The following CARNMT1 variants were observed in gnomAD, a reference collection of about 807,000 sequenced individuals.
The protein encoded by CARNMT1 is protein-L-histidine N-pros-methyltransferase CARNMT1.
Under a neutral mutation model 49.6 loss-of-function variants are expected in CARNMT1, and 28 were observed. That is an observed-to-expected ratio of 0.56 (90% CI 0.42 to 0.77). The LOEUF is 0.77. Among genes scored for constraint, CARNMT1 ranks in the 30% least tolerant of loss-of-function variants. The pLI is 0.00. For missense variants in CARNMT1, 421 were observed against 512.6 expected (o/e 0.82, Z 1.73); for synonymous variants, 178 against 175.0 (o/e 1.02, Z -0.13).
intron 6 of CARNMT1, among the ~76,000 whole-genome samples, chr9:74,990,988 A>G (rs1474597026): frequency 6.6e-6 from 1 of 152,194 alleles, no homozygotes; most frequent in East Asian, 1.9e-4. Context: ...TGAAAAATCT[A>G]AAAAGTTAGG....
At chr9:74,996,260 T>C (rs1404545318) in intron 6 of CARNMT1, 187 bp downstream of exon 6, 1 of 489,904 alleles carries the variant, frequency 2.0e-6, no homozygotes, top group Non-Finnish European at 3.6e-6. Flanking sequence ...ATATACAACT[T>C]CTGAGCTTCC....
At chr9:75,016,477 C>T (rs1833856345) in intron 2 of CARNMT1, 46 bp from the exon 3 acceptor site, 1 of 1,585,542 alleles carries the variant, frequency 6.3e-7, no homozygotes, top group Non-Finnish European at 8.6e-7. Flanking sequence ...GAGTAATCCA[C>T]TTATATTATG....
chr9:74,987,909 T>C (rs546392439), intron 6 of CARNMT1, among the ~76,000 whole-genome samples: 1 of 152,268 alleles, frequency 6.6e-6, no homozygotes, highest in African/African-American at 2.4e-5. Flanking sequence ...TGAGCAGTTT[T>C]TCATATTCAC....
chr9:74,985,159 A>G (rs1832795548), intron 6 of CARNMT1, 149 bp from the exon 7 acceptor site: 1 of 615,650 alleles, frequency 1.6e-6, no homozygotes, highest in Non-Finnish European at 2.8e-6. Context: ...ACCTCTGAAA[A>G]TTTGGCCTAG....
intron 3 of CARNMT1, among the ~76,000 whole-genome samples, chr9:75,009,641 C>G (rs71507894): frequency 0.052 from 7,863 of 152,136 alleles, 389 homozygotes; most frequent in East Asian, 0.26. Context: ...AAATATATTA[C>G]AAATTAAAAT....
At position 74,981,714 on chromosome 9, in the gene CARNMT1, G is replaced by A. The variant is rs1289100903; in HGVS notation, c.*2053C>T. 6.6e-6 allele frequency: 1 copy of A among 151,994 alleles called. No homozygotes were observed. The highest frequency in any genetic ancestry group is 1.9e-4 in the East Asian group (1 of 5,184). 9.4% of individuals were successfully genotyped at this position (151,994 alleles called of 1,614,324 possible). On this transcript the variant is annotated 3_prime_UTR_variant, in exon 8 of 8. Transcript: ENST00000376834. ...ATTAATTAATAAAGCCAACCCACCAGTGTCAACCTGTTTTTGCCTGTGACA... is the reference window on the plus strand; with the variant it reads ...ATTAATTAATAAAGCCAACCCACCAATGTCAACCTGTTTTTGCCTGTGACA...
At position 74,983,933 on chromosome 9, in the gene CARNMT1, G is replaced by A; in HGVS notation, c.1129-65C>T. On this transcript the variant is annotated intron_variant, in intron 7 of 7. Transcript: ENST00000376834. ...CATGACCACACCACTAACAAATTCTGAGCACATATGTATCAGTGGCAGGCA... is the reference window on the plus strand; with the variant it reads ...CATGACCACACCACTAACAAATTCTAAGCACATATGTATCAGTGGCAGGCA... 5.6e-6 allele frequency: 6 copies of A among 1,075,896 alleles called. No homozygotes were observed. The South Asian group carries it at 9.2e-5, about 16-fold the overall frequency. 66.6% of individuals were successfully genotyped at this position (1,075,896 alleles called of 1,614,324 possible). A position where few individuals can be genotyped will look rare whatever the true frequency, so the allele number is the denominator to read the frequency against.
intron 3 of CARNMT1, among the ~76,000 whole-genome samples, chr9:75,003,678 T>C (rs1302306925): frequency 6.6e-6 from 1 of 152,266 alleles, no homozygotes; most frequent in African/African-American, 2.4e-5. Context: ...ATATTTATAT[T>C]GTTTCCAATC....
chr9:74,998,591 G>A lies in CARNMT1; in HGVS notation c.910+7C>T. On this transcript the variant is annotated splice_region_variant and intron_variant, in intron 5 of 7. Transcript: ENST00000376834. ...CAAGACTTTTTAAACGCTTGATTTG[G>A]ACTTACTGCATTCTGAATAAATCTC... 2 of 1,551,746 alleles carry A rather than the reference G, an allele frequency of 1.3e-6. No homozygotes were observed. The highest frequency in any genetic ancestry group is 1.2e-5 in the South Asian group (1 of 81,738).
At chr9:74,992,589 T>C (rs949793028) in intron 6 of CARNMT1, among the ~76,000 whole-genome samples, 2 of 152,204 alleles carry the variant, frequency 1.3e-5, no homozygotes, top group Non-Finnish European at 2.9e-5. Context: ...ACAGGCATTC[T>C]TTTGTTCTTT....
intron 1 of CARNMT1, among the ~76,000 whole-genome samples, chr9:75,021,138 T>C (rs1319351886): frequency 6.6e-6 from 1 of 151,154 alleles, no homozygotes; most frequent in African/African-American, 2.4e-5. Context: ...ATTGGAAAAA[T>C]AACGTACTCA....
chr9:75,006,482 A>G (rs1417454822), intron 3 of CARNMT1, among the ~76,000 whole-genome samples: 1 of 152,198 alleles, frequency 6.6e-6, no homozygotes, highest in Admixed American at 6.5e-5. Flanking sequence ...CTTATCTACT[A>G]TAAGGAAATC....
intron 6 of CARNMT1, chr9:74,996,117 A>G (rs1833181568): frequency 5.7e-6 from 1 of 174,308 alleles, no homozygotes; most frequent in African/African-American, 2.4e-5. Flanking sequence ...AAAAGAGAAC[A>G]CTCTCTTCCT....
At position 75,017,327 on chromosome 9, in the gene CARNMT1, G is replaced by A; in HGVS notation, c.352C>T (p.His118Tyr). 1 of 1,613,928 alleles carries A rather than the reference G, an allele frequency of 6.2e-7. No individual in the cohort carries two copies. The highest frequency in any genetic ancestry group is 8.5e-7 in the Non-Finnish European group (1 of 1,179,810). The change falls in exon 2 of 8, where the codon CAT becomes TAT. Residue 118 changes from histidine (H) to tyrosine (Y), a missense_variant. Coordinates refer to ENST00000376834, the MANE Select transcript of CARNMT1 (RefSeq NM_152420.3). Reference protein sequence around the residue: ...HLDKIRKCIDHNQEILLTIVN... With the variant: ...HLDKIRKCIDYNQEILLTIVN... ...ATGGTCAGTAGTATTTCTTGATTAT[G>A]ATCAATGCATTTCCGGATCTTGTCC... is the stretch of plus-strand genomic sequence containing the variant.
rs533398956 is a variant in CARNMT1 at position 75,026,969 on chromosome 9, AAAC to A, written c.230+1040_230+1042del. 2.4e-4 allele frequency: 175 copies of A among 733,644 alleles called. No homozygotes were observed. In the African/African-American group the frequency reaches 3.2e-3, roughly 13 times the overall value. 45.4% of individuals were successfully genotyped at this position (733,644 alleles called of 1,614,324 possible). A position where few individuals can be genotyped will look rare whatever the true frequency, so the allele number is the denominator to read the frequency against. Reference sequence around the variant, plus strand: ...TCACAGCAAAGCAAGAGATTTATAAAAACAACTATAATACATAAGATGAACAAT... The same window carrying A: ...TCACAGCAAAGCAAGAGATTTATAAAAACTATAATACATAAGATGAACAAT... On this transcript the variant is annotated intron_variant, in intron 1 of 7. Transcript: ENST00000376834.
intron 1 of CARNMT1, among the ~76,000 whole-genome samples, chr9:75,024,642 T>C (rs558561548): frequency 2.5e-4 from 38 of 152,352 alleles, no homozygotes; most frequent in Non-Finnish European, 2.4e-4. Flanking sequence ...AATCACAAAA[T>C]TGAAACCCAT....
At chr9:75,025,789 T>C (rs1276562157) in intron 1 of CARNMT1, among the ~76,000 whole-genome samples, 1 of 152,122 alleles carries the variant, frequency 6.6e-6, no homozygotes, top group East Asian at 1.9e-4. Context: ...GGATTGTCCA[T>C]CACAACCTAC....
intron 4 of CARNMT1, 58 bp from the exon 5 acceptor site, chr9:74,998,834 C>T: frequency 9.8e-7 from 1 of 1,024,970 alleles, no homozygotes; most frequent in Non-Finnish European, 1.4e-6. Flanking sequence ...AGAAAATCCA[C>T]TTTAAATACT....
intron 4 of CARNMT1, 110 bp from the exon 5 acceptor site, chr9:74,998,886 T>C (rs1833275521): frequency 1.7e-6 from 1 of 604,840 alleles, no homozygotes. Context: ...ATATAATTAA[T>C]ATTTAAAGAG....
Sources: gnomAD v4.1 joint callset for allele counts (sites outside exome capture counted in the v4.1 genomes callset) on GRCh38, gnomAD v4.1.1 for gene constraint, MANE v1.5 for transcripts, NCBI Gene and HGNC (gene_info 2026-07-23, HGNC 2026-07-21) for gene names.